Variants in ZNF131 observed in about 807,000 individuals in gnomAD.
ZNF131 encodes the protein zinc finger protein 131.
A neutral mutation model predicts 60.0 loss-of-function variants in ZNF131; 7 were observed. The observed-to-expected ratio is 0.12, with a 90% confidence interval of 0.07 to 0.22. The LOEUF (loss-of-function observed/expected upper bound fraction) is 0.22, where lower values mean the gene tolerates loss of function less well. Among genes scored for constraint, ZNF131 ranks in the 10% least tolerant of loss-of-function variants. The probability of loss-of-function intolerance (pLI) is 1.00; values close to 1 mark genes in which losing one functional copy is unlikely to be tolerated. For missense variants in ZNF131, 493 were observed against 740.9 expected (o/e 0.67, Z 3.88); for synonymous variants, 257 against 253.2 (o/e 1.01, Z -0.14).
chr5:43,153,675 A>G (rs1214711906), intron 4 of ZNF131, among the ~76,000 whole-genome samples: 1 of 152,060 alleles, frequency 6.6e-6, no homozygotes, highest in Non-Finnish European at 1.5e-5. Flanking sequence ...TTCAGGGCAC[A>G]GAATCCTGCT....
chr5:43,146,859 T>A (rs1000117099), intron 4 of ZNF131, among the ~76,000 whole-genome samples: 3 of 152,070 alleles, frequency 2.0e-5, no homozygotes, highest in Admixed American at 6.6e-5. Context: ...TGAGCCGAGA[T>A]CACGCCATTG....
rs1170687481 is a variant in ZNF131, at chr5:43,128,656, C to CAA, written c.226+5366_226+5367dup. On this transcript the variant is annotated intron_variant, in intron 3 of 6. Transcript: ENST00000682664. Reference sequence around the variant, plus strand: ...TGGGCGACAGAGCGAGACTCCATCTCAAAAAAAAAAAAAAAAAAAAACACA... The same window carrying CAA: ...TGGGCGACAGAGCGAGACTCCATCTCAAAAAAAAAAAAAAAAAAAAAAACACA... Among the ~76,000 whole-genome samples, 140 of 69,662 alleles carry CAA rather than the reference C, an allele frequency of 2.0e-3. 1 individual carries two copies. The highest frequency in any genetic ancestry group is 0.011 in the South Asian group (17 of 1,602). 45.7% of individuals were successfully genotyped at this position (69,662 alleles called of 152,430 possible). A position where few individuals can be genotyped will look rare whatever the true frequency, so the allele number is the denominator to read the frequency against.
At chr5:43,123,078 C>G in intron 2 of ZNF131, 131 bp from the exon 3 acceptor site, 1 of 627,512 alleles carries the variant, frequency 1.6e-6, no homozygotes, top group Non-Finnish European at 2.7e-6. Context: ...GCATTTAGTT[C>G]AATAATTTCT....
chr5:43,156,227 A>G (rs1242018570), intron 4 of ZNF131, among the ~76,000 whole-genome samples: 1 of 152,228 alleles, frequency 6.6e-6, no homozygotes, highest in African/African-American at 2.4e-5. Flanking sequence ...AAACCCCATC[A>G]GTTAAAAAAT....
chr5:43,160,600 A>T (rs577113742), intron 4 of ZNF131, among the ~76,000 whole-genome samples: 2 of 151,142 alleles, frequency 1.3e-5, no homozygotes, highest in Non-Finnish European at 2.9e-5. Context: ...TTCATGTATG[A>T]TATGAGGTAA....
intron 4 of ZNF131, among the ~76,000 whole-genome samples, chr5:43,147,841 G>A (rs1747810607): frequency 6.6e-6 from 1 of 151,672 alleles, no homozygotes; most frequent in East Asian, 1.9e-4. Flanking sequence ...GATCACCTGA[G>A]GTCACGAGTT....
At chr5:43,131,670 T>C (rs970776127) in intron 3 of ZNF131, among the ~76,000 whole-genome samples, 4 of 152,212 alleles carry the variant, frequency 2.6e-5, no homozygotes, top group Non-Finnish European at 4.4e-5. Flanking sequence ...ATCCCTAGCA[T>C]ATGGTTCCCT....
At chr5:43,126,296 G>A (rs1318094652) in intron 3 of ZNF131, among the ~76,000 whole-genome samples, 19 of 152,132 alleles carry the variant, frequency 1.2e-4, no homozygotes, top group Admixed American at 1.2e-3. Flanking sequence ...TTTCACTTTA[G>A]CGGGCAGTTA....
rs775802733 is a variant in ZNF131, at chr5:43,122,164, C to G, written c.111C>G (p.Thr37=). The G allele has an allele frequency of 6.8e-6, 11 of 1,613,786 alleles. No homozygotes were observed. Among genetic ancestry groups the G allele is most frequent in the Non-Finnish European group, 7.6e-6 (9 of 1,179,894 alleles). ...QREQDRFTDI[T]LIVDGHHFKA... is the part of the protein sequence containing the mutation. Reference sequence around the variant, plus strand: ...AGCAGGACCGGTTTACTGACATCACCCTAATTGTCGACGGTGGGTAGGGCA... The same window carrying G: ...AGCAGGACCGGTTTACTGACATCACGCTAATTGTCGACGGTGGGTAGGGCA... Residue 37 remains threonine (T), a synonymous_variant, in exon 2 of 7, where the codon ACC becomes ACG. Coordinates refer to ENST00000682664, the MANE Select transcript of ZNF131 (RefSeq NM_001330707.2).
At chr5:43,138,603 C>G (rs769620797) in intron 3 of ZNF131, among the ~76,000 whole-genome samples, 2 of 152,222 alleles carry the variant, frequency 1.3e-5, no homozygotes, top group African/African-American at 4.8e-5. Context: ...GAGCCAAGAT[C>G]ACTGTATTGC....
Position 43,175,393 on chromosome 5 carries a change from A to G in ZNF131, c.*260A>G. 1.4e-6 allele frequency: 1 copy of G among 690,538 alleles called. No individual in the cohort carries two copies. The highest frequency in any genetic ancestry group is 2.6e-6 in the Non-Finnish European group (1 of 383,132). The allele number at this position is 690,538 out of a possible 1,614,324, so 42.8% of individuals were successfully genotyped here. ...CTTAAATGGATTATATTCTTATTAT[A>G]TAGTTGGGTACGAATGTATCTATTT... On this transcript the variant is annotated 3_prime_UTR_variant, in exon 7 of 7. Transcript: ENST00000682664.
intron 3 of ZNF131, chr5:43,124,753 A>G (rs538070702): frequency 6.6e-6 from 1 of 152,226 alleles, no homozygotes; most frequent in Non-Finnish European, 1.5e-5. Flanking sequence ...ATAGGATTAT[A>G]AAGACTAATT....
intron 4 of ZNF131, among the ~76,000 whole-genome samples, chr5:43,158,177 A>G (rs928077178): frequency 1.6e-4 from 25 of 152,204 alleles, no homozygotes; most frequent in African/African-American, 5.1e-4. Flanking sequence ...TGTGTTGGTC[A>G]GGCTGGTCTC....
At chr5:43,133,465 CAAAAA>C (rs1344940099) in intron 3 of ZNF131, among the ~76,000 whole-genome samples, 1 of 151,866 alleles carries the variant, frequency 6.6e-6, no homozygotes, top group East Asian at 1.9e-4. Context: ...AACTCCATCT[CAAAAA>C]AAGAAAGAAA....
At chr5:43,134,918 G>A (rs1420434995) in intron 3 of ZNF131, among the ~76,000 whole-genome samples, 1 of 151,472 alleles carries the variant, frequency 6.6e-6, no homozygotes, top group Non-Finnish European at 1.5e-5. Flanking sequence ...GGCTGGTCTC[G>A]AACTTCTGAC....
In ZNF131 at chr5:43,123,238, T is replaced by C. The variant is rs759063178; in HGVS notation, c.154T>C (p.Leu52=). 1.4e-4 allele frequency: 219 copies of C among 1,611,954 alleles called. No homozygotes were observed. The highest frequency in any genetic ancestry group is 1.8e-4 in the Non-Finnish European group (213 of 1,179,516). The change falls in exon 3 of 7, where the codon TTG becomes CTG. Residue 52 remains leucine, a synonymous_variant. Transcript: ENST00000682664. ...CCATTTTAAGGCTCACAAGGCTGTT[T>C]TGGCTGCTTGTAGTAAGTTCTTCTA... ...GHHFKAHKAV[L]AACSKFFYKF...
At position 43,161,679 on chromosome 5, in the gene ZNF131, C is replaced by T. The variant is rs750961355; in HGVS notation, c.802C>T (p.Arg268Cys). 6.8e-6 allele frequency: 11 copies of T among 1,614,052 alleles called. No individual in the cohort carries two copies. The highest frequency in any genetic ancestry group is 4.5e-5 in the East Asian group (2 of 44,888). ...CTTGTTCCATTGTGAGAAATGTAAC[C>T]GTTCATTTAAATTGTTTTACCATTT... ...KDLFHCEKCN[R>C]SFKLFYHFKE... The change falls in exon 5 of 7, where the codon CGT (arginine) becomes TGT (cysteine). Residue 268 changes from arginine (R) to cysteine (C), a missense_variant. By Grantham distance (180) the Arg-to-Cys change is radical. This residue lies in a region of ZNF131 where 26 missense variants were observed against 63.3 expected (regional missense o/e 0.41). Transcript: ENST00000682664.
At chr5:43,127,730 T>C (rs1744734005) in intron 3 of ZNF131, among the ~76,000 whole-genome samples, 2 of 152,256 alleles carry the variant, frequency 1.3e-5, no homozygotes, top group Non-Finnish European at 2.9e-5. Context: ...ATCAGATTTG[T>C]TGCTATTGAA....
At chr5:43,172,045 G>A (rs907891195) in intron 5 of ZNF131, among the ~76,000 whole-genome samples, 1 of 152,346 alleles carries the variant, frequency 6.6e-6, no homozygotes, top group South Asian at 2.1e-4. Context: ...ACCATGTTTG[G>A]CCTTGTAGGC....
Sources: gnomAD v4.1 joint callset for allele counts (sites outside exome capture counted in the v4.1 genomes callset) on GRCh38, gnomAD v4.1.1 for gene constraint, gnomAD v4.1.1 regional missense constraint, MANE v1.5 for transcripts, NCBI Gene and HGNC (gene_info 2026-07-23, HGNC 2026-07-21) for gene names.